The following PHEX variants were observed in gnomAD, a reference collection of about 807,000 sequenced individuals.
The protein encoded by PHEX is phosphate regulating endopeptidase X-linked, also known as phosphate-regulating neutral endopeptidase PHEX.
Under a neutral mutation model 68.0 loss-of-function variants are expected in PHEX, and 16 were observed. That is an observed-to-expected ratio of 0.24 (90% CI 0.16 to 0.36). PHEX has a LOEUF of 0.36. Among genes scored for constraint, PHEX ranks in the 10% least tolerant of loss-of-function variants. The pLI is 1.00. For synonymous variants in PHEX, 208 were observed against 205.1 expected (o/e 1.01, Z -0.12); for missense variants, 480 against 575.5 (o/e 0.83, Z 1.70).
chrX:22,107,077 G>C (rs188389177), intron 9 of PHEX, among the ~76,000 whole-genome samples: 1 of 112,110 alleles, frequency 8.9e-6, no homozygotes, highest in Non-Finnish European at 1.9e-5. Context: ...ATATGTGATC[G>C]TGAGTTTACT....
intron 18 of PHEX, among the ~76,000 whole-genome samples, chrX:22,224,776 T>C (rs1236653135): frequency 9.2e-6 from 1 of 109,164 alleles, no homozygotes; most frequent in African/African-American, 3.3e-5. Context: ...AATAATATTT[T>C]CCAAAGATTT....
intron 15 of PHEX, among the ~76,000 whole-genome samples, chrX:22,211,052 C>T (rs1934905134): frequency 9.0e-6 from 1 of 111,548 alleles, no homozygotes; most frequent in South Asian, 3.8e-4. Context: ...AAGGACACTA[C>T]AGAAGGCTTC....
At chrX:22,216,508 T>TGC (rs200013741) in intron 16 of PHEX, among the ~76,000 whole-genome samples, 20,347 of 103,257 alleles carry the variant, frequency 0.2, 1,828 homozygotes, top group African/African-American at 0.37. Flanking sequence ...TATTTATTTA[T>TGC]TTATTTATTT....
intron 13 of PHEX, among the ~76,000 whole-genome samples, chrX:22,176,396 AAAAAAAATATATATATAT>A (rs1251375254): frequency 2.5e-5 from 2 of 79,084 alleles, no homozygotes; most frequent in African/African-American, 1.5e-4. Flanking sequence ...AAAAAAAAAA[AAAAAAAATATATATATAT>A]ATATATATAT....
At chrX:22,141,545 T>C (rs1298319325) in intron 12 of PHEX, among the ~76,000 whole-genome samples, 1 of 110,585 alleles carries the variant, frequency 9.0e-6, no homozygotes, top group Non-Finnish European at 1.9e-5. Context: ...TGTTAAGCCC[T>C]GTTGCTCCAG....
At chrX:22,048,500 G>A (rs1013984508) in intron 3 of PHEX, among the ~76,000 whole-genome samples, 6 of 110,971 alleles carry the variant, frequency 5.4e-5, no homozygotes, top group South Asian at 3.8e-4. Flanking sequence ...ACACACGCGC[G>A]CACAGTCATG....
At chrX:22,040,455 A>AC (rs1157255284) in intron 2 of PHEX, among the ~76,000 whole-genome samples, 2 of 111,269 alleles carry the variant, frequency 1.8e-5, no homozygotes, top group African/African-American at 3.3e-5. Flanking sequence ...AATTAGTGAG[A>AC]CCCCATCTCT....
At chrX:22,066,173 C>T (rs1928592175) in intron 3 of PHEX, among the ~76,000 whole-genome samples, 1 of 111,776 alleles carries the variant, frequency 8.9e-6, no homozygotes, top group South Asian at 3.7e-4. Flanking sequence ...TTGTAAATGT[C>T]ATGTTGAGGG....
intron 10 of PHEX, among the ~76,000 whole-genome samples, chrX:22,112,274 C>T (rs753929152): frequency 1.9e-4 from 21 of 111,245 alleles, no homozygotes; most frequent in Non-Finnish European, 2.6e-4. Context: ...GCCACTGTGC[C>T]GGGCCTCACC....
rs1181212781 is a variant in PHEX, at chrX:22,032,999, C to T, written c.-7C>T. 5 of 1,177,083 alleles carry T rather than the reference C, an allele frequency of 4.2e-6. No individual in the cohort carries two copies. Among genetic ancestry groups the T allele is most frequent in the Non-Finnish European group, 5.8e-6 (5 of 866,177 alleles). On this transcript the variant is annotated 5_prime_UTR_variant, in exon 1 of 22. Transcript: ENST00000379374. ...TTTCTTCTCGTGTGCTCTCTACGGC[C>T]CTTCTGATGGAAGCAGAAACAGGGA...
At chrX:22,184,244 T>G (rs1038472804) in intron 14 of PHEX, among the ~76,000 whole-genome samples, 11 of 98,341 alleles carry the variant, frequency 1.1e-4, no homozygotes, top group Non-Finnish European at 2.0e-4. Flanking sequence ...TTCCTTCTTG[T>G]TTTTTTTTTT....
At chrX:22,118,854 G>A (rs1473241282) in intron 11 of PHEX, among the ~76,000 whole-genome samples, 2 of 111,733 alleles carry the variant, frequency 1.8e-5, no homozygotes, top group Non-Finnish European at 3.8e-5. Flanking sequence ...CACAACCATG[G>A]GAATTTAGCA....
chrX:22,056,763 AAATAATAAT>A (rs59624310), intron 3 of PHEX, among the ~76,000 whole-genome samples: 7,848 of 93,225 alleles, frequency 0.084, 539 homozygotes, highest in African/African-American at 0.21. Flanking sequence ...CTCTGTCTCA[AAATAATAAT>A]AATAATAATA....
At position 22,078,718 on chromosome X, in the gene PHEX, A is replaced by G. The variant is rs187579411; in HGVS notation, c.663+1016A>G. Reference sequence around the variant, plus strand: ...AGGCCGTCTGGTCTCTGTTGCAACTACTTAATTCTGCCATTGTGTCTGGGA... The same window carrying G: ...AGGCCGTCTGGTCTCTGTTGCAACTGCTTAATTCTGCCATTGTGTCTGGGA... On this transcript the variant is annotated intron_variant, in intron 5 of 21. Coordinates refer to ENST00000379374, the MANE Select transcript of PHEX (RefSeq NM_000444.6). 7.2e-5 allele frequency among the ~76,000 whole-genome samples: 8 copies of G among 111,831 alleles called. No homozygotes were observed. In the East Asian group the frequency reaches 2.3e-3, roughly 31 times the overall value.
intron 20 of PHEX, among the ~76,000 whole-genome samples, chrX:22,237,265 C>G (rs895915078): frequency 3.3e-4 from 37 of 111,857 alleles, no homozygotes; most frequent in Non-Finnish European, 4.0e-4. Context: ...CCAGAAACAA[C>G]TTCATATTAG....
chrX:22,061,245 C>G (rs1197752538), intron 3 of PHEX, among the ~76,000 whole-genome samples: 6 of 111,856 alleles, frequency 5.4e-5, no homozygotes, highest in Non-Finnish European at 1.1e-4. Flanking sequence ...AATGGAAGCC[C>G]TACAAAAATT....
chrX:22,199,835 C>T (rs757323876), intron 15 of PHEX, among the ~76,000 whole-genome samples: 1 of 112,149 alleles, frequency 8.9e-6, no homozygotes, highest in East Asian at 2.8e-4. Context: ...AACGAATCTT[C>T]TATACATGAA....
At chrX:22,090,865 A>T (rs1929850929) in intron 6 of PHEX, among the ~76,000 whole-genome samples, 1 of 111,953 alleles carries the variant, frequency 8.9e-6, no homozygotes, top group Admixed American at 9.5e-5. Flanking sequence ...CCCAAATTGT[A>T]CTGCTTTAGA....
intron 15 of PHEX, among the ~76,000 whole-genome samples, chrX:22,205,479 G>T (rs1186879221): frequency 9.0e-6 from 1 of 111,310 alleles, no homozygotes; most frequent in Non-Finnish European, 1.9e-5. Flanking sequence ...AAGGAGAAAA[G>T]CACATGGTCT....
Sources: gnomAD v4.1 joint callset for allele counts (sites outside exome capture counted in the v4.1 genomes callset) on GRCh38, gnomAD v4.1.1 for gene constraint, MANE v1.5 for transcripts, NCBI Gene and HGNC (gene_info 2026-07-23, HGNC 2026-07-21) for gene names.